Variants in ADAMTSL3 observed in about 807,000 individuals in gnomAD.
ADAMTSL3 encodes the protein ADAMTS like 3.
A neutral mutation model predicts 201.7 loss-of-function variants in ADAMTSL3; 128 were observed. That is an observed-to-expected ratio of 0.63 (90% CI 0.55 to 0.73). The LOEUF is 0.73. Among genes scored for constraint, ADAMTSL3 ranks in the 30% least tolerant of loss-of-function variants. The pLI is 0.00. For missense variants in ADAMTSL3, 1,990 were observed against 2,119.6 expected (o/e 0.94, Z 1.20); for synonymous variants, 738 against 748.4 (o/e 0.99, Z 0.23).
At chr15:84,000,343 A>G (rs1299351244) in intron 23 of ADAMTSL3, among the ~76,000 whole-genome samples, 1 of 152,040 alleles carries the variant, frequency 6.6e-6, no homozygotes, top group Non-Finnish European at 1.5e-5. Context: ...TATATTTAAA[A>G]TGTCTTTCCC....
chr15:83,890,517 A>G (rs754893265), intron 11 of ADAMTSL3, among the ~76,000 whole-genome samples: 4 of 152,188 alleles, frequency 2.6e-5, no homozygotes, highest in African/African-American at 4.8e-5. Context: ...TCTTCATCCA[A>G]GTAAAATGTC....
intron 23 of ADAMTSL3, among the ~76,000 whole-genome samples, chr15:84,002,449 G>A (rs1354980224): frequency 1.3e-5 from 2 of 152,122 alleles, no homozygotes; most frequent in Non-Finnish European, 2.9e-5. Context: ...CAGTCACTCA[G>A]CCCCATGTTA....
intron 20 of ADAMTSL3, 119 bp downstream of exon 20, chr15:83,970,756 T>C: frequency 7.8e-7 from 1 of 1,280,312 alleles, no homozygotes; most frequent in Non-Finnish European, 1.1e-6. Flanking sequence ...ACTCAAGCTG[T>C]ACTCAGTGTT....
chr15:83,840,267 G>A (rs1393794070), intron 7 of ADAMTSL3, among the ~76,000 whole-genome samples: 1 of 152,176 alleles, frequency 6.6e-6, no homozygotes, highest in African/African-American at 2.4e-5. Flanking sequence ...GATGGGGGTG[G>A]CCAGCAATGT....
Position 83,895,852 on chromosome 15 carries a change from C to T in ADAMTSL3, c.1468-2006C>T, listed in dbSNP as rs1273893772. 3.9e-5 allele frequency among the ~76,000 whole-genome samples: 6 copies of T among 152,206 alleles called. No homozygotes were observed. In the East Asian group the frequency reaches 9.6e-4, roughly 24 times the overall value. On this transcript the variant is annotated intron_variant, in intron 13 of 29. Coordinates refer to ENST00000286744, the MANE Select transcript of ADAMTSL3 (RefSeq NM_207517.3). ...CCAAAAACAGGGTAATCTCAAGCTT[C>T]GCTGAACTCATTAAAGTATTTGTTC...
At chr15:84,029,096 A>G (rs909304600) in intron 27 of ADAMTSL3, among the ~76,000 whole-genome samples, 1 of 152,190 alleles carries the variant, frequency 6.6e-6, no homozygotes, top group Non-Finnish European at 1.5e-5. Context: ...ATGAACTAAT[A>G]TAGTAAATTG....
chr15:83,965,005 A>G (rs1316797123), intron 19 of ADAMTSL3, among the ~76,000 whole-genome samples: 1 of 152,188 alleles, frequency 6.6e-6, no homozygotes, highest in Non-Finnish European at 1.5e-5. Flanking sequence ...CCTGCCTTAC[A>G]AGAGCTCCTG....
At chr15:83,999,537 ATTG>A (rs958842383) in intron 23 of ADAMTSL3, among the ~76,000 whole-genome samples, 1 of 152,198 alleles carries the variant, frequency 6.6e-6, no homozygotes, top group African/African-American at 2.4e-5. Context: ...GCCCCCTGTC[ATTG>A]TTGCTGCTCA....
intron 3 of ADAMTSL3, among the ~76,000 whole-genome samples, chr15:83,714,266 G>A (rs967892152): frequency 1.3e-5 from 2 of 152,166 alleles, no homozygotes; most frequent in Non-Finnish European, 2.9e-5. Context: ...CCTGAGATCA[G>A]GATCCTGCTA....
At chr15:83,766,366 A>G (rs2062890990) in intron 3 of ADAMTSL3, among the ~76,000 whole-genome samples, 1 of 152,240 alleles carries the variant, frequency 6.6e-6, no homozygotes, top group South Asian at 2.1e-4. Context: ...AAATGAACGA[A>G]TGCATGTGAG....
At chr15:83,691,333 C>G (rs1030852615) in intron 2 of ADAMTSL3, among the ~76,000 whole-genome samples, 5 of 152,204 alleles carry the variant, frequency 3.3e-5, no homozygotes, top group African/African-American at 1.2e-4. Context: ...TGGAGTTCAT[C>G]TAACACATGT....
chr15:83,867,551 A>G (rs1022420068), intron 8 of ADAMTSL3, among the ~76,000 whole-genome samples: 2 of 152,236 alleles, frequency 1.3e-5, no homozygotes, highest in African/African-American at 4.8e-5. Flanking sequence ...TTTAAGCCCT[A>G]TCTGAGGACC....
chr15:83,810,523 A>T (rs1567160083), intron 5 of ADAMTSL3, among the ~76,000 whole-genome samples: 1 of 152,232 alleles, frequency 6.6e-6, no homozygotes, highest in Non-Finnish European at 1.5e-5. Flanking sequence ...AACAAGACAA[A>T]TGTATTATCT....
intron 19 of ADAMTSL3, among the ~76,000 whole-genome samples, chr15:83,969,098 C>A (rs912284161): frequency 2.0e-5 from 3 of 152,036 alleles, no homozygotes; most frequent in African/African-American, 7.3e-5. Flanking sequence ...CACATGTGGA[C>A]CTGTATAACA....
chr15:83,860,425 A>T (rs1367952674), intron 8 of ADAMTSL3, among the ~76,000 whole-genome samples: 1 of 152,202 alleles, frequency 6.6e-6, no homozygotes, highest in African/African-American at 2.4e-5. Flanking sequence ...TGTGATTTTC[A>T]AATAATAAAT....
chr15:83,686,861 A>T (rs1330688657), intron 2 of ADAMTSL3, among the ~76,000 whole-genome samples: 2 of 152,170 alleles, frequency 1.3e-5, no homozygotes, highest in Non-Finnish European at 2.9e-5. Context: ...TGCAAGCCAC[A>T]TATATAACTG....
intron 8 of ADAMTSL3, among the ~76,000 whole-genome samples, chr15:83,860,521 G>C (rs2064832338): frequency 6.6e-6 from 1 of 152,172 alleles, no homozygotes; most frequent in South Asian, 2.1e-4. Flanking sequence ...GGCATGCAAA[G>C]TATATATGGA....
intron 8 of ADAMTSL3, chr15:83,862,926 C>T (rs574314449): frequency 1.1e-4 from 16 of 152,054 alleles, no homozygotes; most frequent in African/African-American, 1.9e-4. Flanking sequence ...TGGAGGAAGA[C>T]CTACCAAGCA....
chr15:83,761,490 C>A (rs984010769), intron 3 of ADAMTSL3, among the ~76,000 whole-genome samples: 1 of 152,154 alleles, frequency 6.6e-6, no homozygotes, highest in Non-Finnish European at 1.5e-5. Context: ...AAGATGAATT[C>A]TCTTTTGTCT....
Sources: allele counts gnomAD v4.1 joint callset (sites outside exome capture counted in the v4.1 genomes callset), GRCh38; gene constraint gnomAD v4.1.1; transcripts MANE v1.5; gene names NCBI Gene and HGNC (gene_info 2026-07-23, HGNC 2026-07-21).